Variants in RINT1 observed in about 807,000 individuals in gnomAD.
The protein encoded by RINT1 is RAD50-interacting protein 1.
RINT1 carries 75 observed loss-of-function variants against 97.7 expected under a neutral mutation model. The observed-to-expected ratio is 0.77, with a 90% CI of 0.64 to 0.93. RINT1 has a LOEUF of 0.93. Ranked by LOEUF, RINT1 falls within the 40% of genes least tolerant of loss-of-function variation. The probability of loss-of-function intolerance (pLI) is 0.00; values close to 1 mark genes in which losing one functional copy is unlikely to be tolerated. For missense variants in RINT1, 892 were observed against 925.2 expected (o/e 0.96, Z 0.47); for synonymous variants, 303 against 326.3 (o/e 0.93, Z 0.77).
rs144996870 is a variant in RINT1, at chr7:105,542,635, A to T, written c.501A>T (p.Gln167His). The T allele has an allele frequency of 3.0e-5, 48 of 1,612,880 alleles. No individual in the cohort carries two copies. Among genetic ancestry groups the T allele is most frequent in the Non-Finnish European group, 4.0e-5 (47 of 1,179,634 alleles). Residue 167 changes from glutamine (Q) to histidine (H), a missense_variant, in exon 4 of 15, where the codon CAA (glutamine) becomes CAT (histidine). Gln to His is a conservative substitution (Grantham distance 24, BLOSUM62 0). Coordinates refer to ENST00000257700, the MANE Select transcript of RINT1 (RefSeq NM_021930.6). ...RHLAYLKWIS[Q>H]IEELSDNIQQ... ...TTGCTTACCTTAAATGGATTTCACA[A>T]ATTGAAGAACTAAGGTAAAATGGGC...
At position 105,548,558 on chromosome 7, in the gene RINT1, G is replaced by A; in HGVS notation, c.844G>A (p.Glu282Lys). The A allele has an allele frequency of 6.2e-7, 1 of 1,613,996 alleles. No homozygotes were observed. Among genetic ancestry groups the A allele is most frequent in the Non-Finnish European group, 8.5e-7 (1 of 1,179,948 alleles). ...CQLLKLQTSDELLTEPKQLPE... is the reference protein window; with the variant it reads ...CQLLKLQTSDKLLTEPKQLPE... ...TCCTTGACTTGATTATGTCAGAGATGAATTACTTACTGAGCCAAAGCAACT... is the reference window on the plus strand; with the variant it reads ...TCCTTGACTTGATTATGTCAGAGATAAATTACTTACTGAGCCAAAGCAACT... Residue 282 changes from glutamate (E) to lysine (K), a missense_variant, in exon 7 of 15, where the codon GAA becomes AAA. Transcript: ENST00000257700.
intron 4 of RINT1, among the ~76,000 whole-genome samples, chr7:105,545,530 A>T (rs58209060): frequency 0.1 from 14,297 of 139,954 alleles, 974 homozygotes; most frequent in African/African-American, 0.18. Context: ...ATATATATAT[A>T]TTTTTTTTTT....
chr7:105,561,405 G>A (rs1332062201), intron 11 of RINT1, among the ~76,000 whole-genome samples: 1 of 151,934 alleles, frequency 6.6e-6, no homozygotes, highest in Non-Finnish European at 1.5e-5. Flanking sequence ...GTGCTCGCCT[G>A]TAGTCCCAGC....
At chr7:105,563,283 G>A (rs1428094779) in intron 11 of RINT1, among the ~76,000 whole-genome samples, 1 of 152,116 alleles carries the variant, frequency 6.6e-6, no homozygotes, top group Non-Finnish European at 1.5e-5. Context: ...AGAGGATAAC[G>A]GCTTTTTTCT....
At chr7:105,539,876 C>T (rs1186486046) in intron 3 of RINT1, among the ~76,000 whole-genome samples, 1 of 152,150 alleles carries the variant, frequency 6.6e-6, no homozygotes, top group Non-Finnish European at 1.5e-5. Context: ...TTACAACACT[C>T]TTATATACCA....
At chr7:105,532,428 A>G in intron 1 of RINT1, 71 bp downstream of exon 1, 2 of 1,501,244 alleles carry the variant, frequency 1.3e-6, no homozygotes, top group East Asian at 2.4e-5. Flanking sequence ...CTCCCGGGGG[A>G]GATAGTCCCG....
chr7:105,536,964 CAT>C (rs1241543251), intron 3 of RINT1, among the ~76,000 whole-genome samples: 2 of 152,104 alleles, frequency 1.3e-5, no homozygotes, highest in Non-Finnish European at 2.9e-5. Flanking sequence ...GTCTTCAAAA[CAT>C]AGTGAGACCT....
At chr7:105,558,709 T>C (rs142149734) in intron 11 of RINT1, among the ~76,000 whole-genome samples, 4 of 152,088 alleles carry the variant, frequency 2.6e-5, no homozygotes, top group African/African-American at 9.6e-5. Context: ...CCTGTAGTCC[T>C]AGCTGCTTGG....
chr7:105,553,054 C>G (rs1278558693), intron 10 of RINT1, among the ~76,000 whole-genome samples: 1 of 151,944 alleles, frequency 6.6e-6, no homozygotes, highest in Non-Finnish European at 1.5e-5. Context: ...CTCTTAAAAA[C>G]TTTTTATTCA....
chr7:105,565,511 G>T lies in RINT1; in HGVS notation c.2068-19G>T. ...GTGATAATAAAGACAACTGTTATATGAATTATTCTTTGTTTCAGATAATTC... is the reference window on the plus strand; with the variant it reads ...GTGATAATAAAGACAACTGTTATATTAATTATTCTTTGTTTCAGATAATTC... On this transcript the variant is annotated intron_variant, in intron 13 of 14. Coordinates refer to ENST00000257700, the MANE Select transcript of RINT1 (RefSeq NM_021930.6). 1 of 1,611,278 alleles carries T rather than the reference G, an allele frequency of 6.2e-7. No homozygotes were observed. The highest frequency in any genetic ancestry group is 8.5e-7 in the Non-Finnish European group (1 of 1,177,860).
chr7:105,562,620 C>T (rs7384067), intron 11 of RINT1, among the ~76,000 whole-genome samples: 90,528 of 151,776 alleles, frequency 0.6, 28,309 homozygotes, highest in Middle Eastern at 0.74. Context: ...CTTGTACTGC[C>T]AGGCTTGGTG....
intron 6 of RINT1, among the ~76,000 whole-genome samples, chr7:105,547,718 CT>C (rs34938925): frequency 0.079 from 9,205 of 115,936 alleles, 173 homozygotes; most frequent in East Asian, 0.11. Flanking sequence ...CATTTTTGTG[CT>C]TTTTTTTTTT....
rs202129129 is a variant in RINT1, at chr7:105,536,645, T to A, written c.169T>A (p.Ser57Thr). The A allele has an allele frequency of 6.2e-7, 1 of 1,612,774 alleles. No homozygotes were observed. The highest frequency in any genetic ancestry group is 8.5e-7 in the Non-Finnish European group (1 of 1,178,998). The change falls in exon 3 of 15, where the codon TCT becomes ACT. Residue 57 changes from serine to threonine, a missense_variant. By Grantham distance (58) the Ser-to-Thr change is moderately conservative. Transcript: ENST00000257700. ...TDNGDLPSYV[S>T]AFIEKEVGND... is the part of the protein sequence containing the mutation. ...TAATGGTGATCTCCCTTCTTATGTG[T>A]CTGCATTCATAGAAAAGGAAGTTGG... is the stretch of plus-strand genomic sequence containing the variant.
intron 11 of RINT1, among the ~76,000 whole-genome samples, chr7:105,560,309 C>A (rs1791383565): frequency 6.6e-6 from 1 of 152,120 alleles, no homozygotes; most frequent in African/African-American, 2.4e-5. Context: ...TCCCTGGCAC[C>A]AAAGGATAGG....
chr7:105,556,069 CTT>C (rs201517822), intron 11 of RINT1, among the ~76,000 whole-genome samples: 12 of 142,992 alleles, frequency 8.4e-5, no homozygotes, highest in Admixed American at 1.4e-4. Context: ...CACTCAACTT[CTT>C]TTTTTTTTTT....
At chr7:105,552,267 A>T (rs1238445606) in intron 10 of RINT1, among the ~76,000 whole-genome samples, 1 of 152,222 alleles carries the variant, frequency 6.6e-6, no homozygotes, top group Non-Finnish European at 1.5e-5. Context: ...TAGGAATTTA[A>T]TTTTATTATC....
In RINT1 at chr7:105,547,338, C is replaced by G. The variant is rs1026023752; in HGVS notation, c.839+5C>G. 1 of 1,613,222 alleles carries G rather than the reference C, an allele frequency of 6.2e-7. No homozygotes were observed. The highest frequency in any genetic ancestry group is 8.5e-7 in the Non-Finnish European group (1 of 1,179,612). ...GCTTTTGAAACTACAAACCTCGTATCTTTGTTGCAGCTGAAAACTTACTAA... is the reference window on the plus strand; with the variant it reads ...GCTTTTGAAACTACAAACCTCGTATGTTTGTTGCAGCTGAAAACTTACTAA... On this transcript the variant is annotated splice_donor_5th_base_variant and intron_variant, in intron 6 of 14. Transcript: ENST00000257700.
intron 6 of RINT1, 126 bp downstream of exon 6, chr7:105,547,459 C>A: frequency 1.1e-6 from 1 of 907,224 alleles, no homozygotes; most frequent in Non-Finnish European, 1.7e-6. Context: ...TGGACTTGGT[C>A]TGTAAATGTC....
Position 105,532,811 on chromosome 7 carries a change from GTTC to G in RINT1, c.43-5_43-3del, listed in dbSNP as rs374498388. The G allele has an allele frequency of 1.4e-3, 2,230 of 1,614,026 alleles. 24 individuals carry two copies. In the African/African-American group the frequency reaches 0.026, roughly 19 times the overall value. On this transcript the variant is annotated splice_polypyrimidine_tract_variant and intron_variant, in intron 1 of 14. Coordinates refer to ENST00000257700, the MANE Select transcript of RINT1 (RefSeq NM_021930.6). ...TAATCTTAATGTGCTTGTCACATCT[GTTC>G]TTCTTCTAGTGCTGCTCTGAAAGTG... is the stretch of plus-strand genomic sequence containing the variant.
Sources: gnomAD v4.1 joint callset for allele counts (sites outside exome capture counted in the v4.1 genomes callset) on GRCh38, gnomAD v4.1.1 for gene constraint, MANE v1.5 for transcripts, NCBI Gene and HGNC (gene_info 2026-07-23, HGNC 2026-07-21) for gene names.